TTC8: variants seen among roughly 807,000 people sequenced by gnomAD.
TTC8 encodes tetratricopeptide repeat domain 8.
In TTC8, 47 loss-of-function variants were observed where a neutral mutation model predicts 72.5. The observed-to-expected ratio is 0.65, with a 90% confidence interval of 0.51 to 0.83. The LOEUF (loss-of-function observed/expected upper bound fraction) is 0.83, where lower values mean the gene tolerates loss of function less well. TTC8 is among the 40% of genes least tolerant of loss of function. TTC8 has a pLI of 0.00. For synonymous variants in TTC8, 199 were observed against 221.4 expected (o/e 0.90, Z 0.90); for missense variants, 611 against 623.2 (o/e 0.98, Z 0.21).
chr14:88,836,288 C>A (rs1215771412), intron 2 of TTC8, among the ~76,000 whole-genome samples: 1 of 151,962 alleles, frequency 6.6e-6, no homozygotes, highest in African/African-American at 2.4e-5. Context: ...ACCAGGAGTT[C>A]AAGACCAGCC....
At chr14:88,858,933 A>G (rs1248463529) in intron 9 of TTC8, among the ~76,000 whole-genome samples, 4 of 151,960 alleles carry the variant, frequency 2.6e-5, no homozygotes. Context: ...GTTTCTGTGC[A>G]TCATAGTAAA....
chr14:88,878,879 A>T (rs891201942), downstream of TTC8: 1 of 152,152 alleles, frequency 6.6e-6, no homozygotes, highest in Non-Finnish European at 1.5e-5. Flanking sequence ...CATTTTACTT[A>T]TGAGAATACT....
intron 1 of TTC8, among the ~76,000 whole-genome samples, chr14:88,826,017 C>T (rs2094698426): frequency 6.6e-6 from 1 of 151,524 alleles, no homozygotes; most frequent in Non-Finnish European, 1.5e-5. Flanking sequence ...GAGTCTCGCT[C>T]TGTCGCCCAG....
intron 3 of TTC8, 43 bp downstream of exon 3, chr14:88,839,615 G>A: frequency 6.2e-7 from 1 of 1,605,052 alleles, no homozygotes; most frequent in Non-Finnish European, 8.5e-7. Context: ...ATACCATTAA[G>A]AGGAAGAATA....
In TTC8 at chr14:88,857,251, G is replaced by T. The variant is rs1430670595; in HGVS notation, c.772G>T (p.Val258Leu). The change falls in exon 9 of 15, where the codon GTA becomes TTA. Residue 258 changes from valine to leucine, a missense_variant. Physicochemically the swap from Val to Leu is conservative, Grantham distance 32. Coordinates refer to ENST00000380656, the MANE Select transcript of TTC8 (RefSeq NM_144596.4). ...ATCAGCCCTGAAGCAGCAGGAAATG[G>T]TAGATACATTTCTGTACTTGGCAAA... The part of the protein sequence containing the change: ...FKSALKQQEM[V>L]DTFLYLAKVY... The T allele has an allele frequency of 6.2e-7, 1 of 1,613,796 alleles. No individual in the cohort carries two copies. The highest frequency in any genetic ancestry group is 1.7e-4 in the Middle Eastern group (1 of 6,044).
rs2094963494 is a variant in TTC8, at chr14:88,877,868, G to A, written c.*458G>A. 6.5e-6 allele frequency: 1 copy of A among 152,700 alleles called. No homozygotes were observed. Among genetic ancestry groups the A allele is most frequent in the Admixed American group, 6.5e-5 (1 of 15,352 alleles). 9.5% of individuals were successfully genotyped at this position (152,700 alleles called of 1,614,324 possible). A position where few individuals can be genotyped will look rare whatever the true frequency, so the allele number is the denominator to read the frequency against. ...AGTCCCAGCTACTTGGGAGGTGGAG[G>A]TGGGAGGATTATAAATAGAGACTTT... On this transcript the variant is annotated 3_prime_UTR_variant, in exon 15 of 15. Coordinates refer to ENST00000380656, the MANE Select transcript of TTC8 (RefSeq NM_144596.4).
At chr14:88,857,379 G>A (rs767493974) in intron 9 of TTC8, 102 bp downstream of exon 9, 6 of 1,026,466 alleles carry the variant, frequency 5.8e-6, no homozygotes, top group South Asian at 3.9e-5. Context: ...GGAATATTTG[G>A]CAAGTTACTA....
At chr14:88,863,503 G>T (rs1158091788) in intron 10 of TTC8, among the ~76,000 whole-genome samples, 1 of 152,152 alleles carries the variant, frequency 6.6e-6, no homozygotes, top group Non-Finnish European at 1.5e-5. Context: ...ATTGGGTGCT[G>T]GTCATATAAT....
At chr14:88,855,688 C>A (rs939968626) in intron 8 of TTC8, among the ~76,000 whole-genome samples, 2 of 151,902 alleles carry the variant, frequency 1.3e-5, no homozygotes, top group African/African-American at 4.8e-5. Context: ...CCTTTTAAAT[C>A]ATTTTTGGAA....
At chr14:88,860,120 T>G (rs996780242) in intron 9 of TTC8, among the ~76,000 whole-genome samples, 94 of 150,572 alleles carry the variant, frequency 6.2e-4, no homozygotes, top group African/African-American at 2.3e-3. Context: ...ATATTATTTG[T>G]TATATTTTTA....
chr14:88,838,636 G>A (rs2094764428), intron 2 of TTC8, among the ~76,000 whole-genome samples: 1 of 152,058 alleles, frequency 6.6e-6, no homozygotes, highest in South Asian at 2.1e-4. Flanking sequence ...GTAAAGGAAA[G>A]GTAGAAATTT....
chr14:88,865,512 T>C (rs545952392), intron 10 of TTC8, among the ~76,000 whole-genome samples: 1 of 152,038 alleles, frequency 6.6e-6, no homozygotes, highest in Non-Finnish European at 1.5e-5. Flanking sequence ...CTACTAAAAA[T>C]ACAAAATTAG....
intron 10 of TTC8, among the ~76,000 whole-genome samples, chr14:88,867,229 T>C (rs2094914002): frequency 6.6e-6 from 1 of 152,208 alleles, no homozygotes; most frequent in Non-Finnish European, 1.5e-5. Flanking sequence ...CAAAGATCTG[T>C]ACAAAGATGT....
At chr14:88,835,577 T>C (rs555356864) in intron 2 of TTC8, among the ~76,000 whole-genome samples, 47 of 152,352 alleles carry the variant, frequency 3.1e-4, no homozygotes, top group Non-Finnish European at 5.3e-4. Flanking sequence ...TTATGGTACT[T>C]CTAATACATA....
intron 9 of TTC8, among the ~76,000 whole-genome samples, 162 bp downstream of exon 9, chr14:88,857,439 G>A (rs568431319): frequency 3.9e-5 from 6 of 152,214 alleles, no homozygotes; most frequent in Non-Finnish European, 7.4e-5. Flanking sequence ...AAATGAGAAC[G>A]TATAGAGGGT....
chr14:88,851,760 T>C (rs2140997450), intron 7 of TTC8, among the ~76,000 whole-genome samples: 1 of 152,204 alleles, frequency 6.6e-6, no homozygotes, highest in South Asian at 2.1e-4. Context: ...TCTTTTTAAT[T>C]TTCATAGCTT....
chr14:88,835,130 C>A (rs1036933219), intron 2 of TTC8, among the ~76,000 whole-genome samples: 3 of 152,190 alleles, frequency 2.0e-5, no homozygotes, highest in Non-Finnish European at 2.9e-5. Flanking sequence ...GCCATAGTTA[C>A]TGAGTCTTAT....
chr14:88,836,982 AC>A (rs1284139750), intron 2 of TTC8: 1 of 241,544 alleles, frequency 4.1e-6, no homozygotes, highest in South Asian at 3.6e-5. Flanking sequence ...AATTGCTTGA[AC>A]CCAGGAAGCG....
chr14:88,840,761 T>C, intron 3 of TTC8, 104 bp from the exon 4 acceptor site: 3 of 1,086,146 alleles, frequency 2.8e-6, no homozygotes, highest in East Asian at 2.6e-5. Flanking sequence ...TTGCTATTAA[T>C]GTCTTTTTCA....
Sources: gnomAD v4.1 joint callset for allele counts (sites outside exome capture counted in the v4.1 genomes callset) on GRCh38, gnomAD v4.1.1 for gene constraint, MANE v1.5 for transcripts, NCBI Gene and HGNC (gene_info 2026-07-23, HGNC 2026-07-21) for gene names.